KMT2D: variants seen among roughly 807,000 people sequenced by gnomAD.
The protein encoded by KMT2D is histone-lysine N-methyltransferase 2D.
KMT2D carries 55 observed loss-of-function variants against 512.7 expected under a neutral mutation model. The ratio of observed to expected loss-of-function variants is 0.11; its 90% confidence interval spans 0.09 to 0.13. The LOEUF (loss-of-function observed/expected upper bound fraction) is 0.13. Among genes scored for constraint, KMT2D ranks in the 10% least tolerant of loss-of-function variants. KMT2D has a pLI of 1.00. For synonymous variants in KMT2D, 2,995 were observed against 2,904.0 expected, an observed-to-expected ratio of 1.03 and a Z score of -1.01; for missense variants, 6,061 against 7,127.9, an observed-to-expected ratio of 0.85 and a Z score of 5.39.
chr12:49,053,716 G>A (rs2120700434), intron 6 of KMT2D, 75 bp from the exon 7 acceptor site: 1 of 1,450,298 alleles, frequency 6.9e-7, no homozygotes, highest in Non-Finnish European at 9.3e-7. Context: ...ACACAAAACA[G>A]GCACTCCATG....
intron 6 of KMT2D, 112 bp from the exon 7 acceptor site, chr12:49,053,753 T>C: frequency 7.7e-7 from 1 of 1,294,922 alleles, no homozygotes; most frequent in Non-Finnish European, 1.1e-6. Context: ...ACAACAAAGT[T>C]ACTGAGTGCC....
In KMT2D at chr12:49,028,125, A is replaced by G; in HGVS notation, c.14399T>C (p.Met4800Thr). 2 of 1,614,006 alleles carry G rather than the reference A, an allele frequency of 1.2e-6. No individual in the cohort carries two copies. Among genetic ancestry groups the G allele is most frequent in the Non-Finnish European group, 1.7e-6 (2 of 1,179,894 alleles). Reference sequence around the variant, plus strand: ...GCTCAGCAGCTCCGCCACTGCCACCATCACGCCATTCAGGTTCTGCCAGGG... The same window carrying G: ...GCTCAGCAGCTCCGCCACTGCCACCGTCACGCCATTCAGGTTCTGCCAGGG... ...AAAAKNLNGVMVAVAELLSMK... is the reference protein window; with the variant it reads ...AAAAKNLNGVTVAVAELLSMK... Residue 4800 changes from methionine (M) to threonine (T), a missense_variant, in exon 47 of 55, where the codon ATG becomes ACG. Physicochemically the swap from Met to Thr is moderately conservative, Grantham distance 81 (BLOSUM62 -1). Transcript: ENST00000301067.
intron 38 of KMT2D, 46 bp downstream of exon 38, chr12:49,034,364 G>T: frequency 6.2e-7 from 1 of 1,611,280 alleles, no homozygotes; most frequent in South Asian, 1.1e-5. Context: ...TCCTCCATAT[G>T]ACCCAAACCA....
At position 49,040,745 on chromosome 12, in the gene KMT2D, C is replaced by G; in HGVS notation, c.7025G>C (p.Ser2342Thr). 6.2e-7 allele frequency: 1 copy of G among 1,613,450 alleles called. No individual in the cohort carries two copies. Among genetic ancestry groups the G allele is most frequent in the Middle Eastern group, 1.7e-4 (1 of 6,046 alleles). The change falls in exon 32 of 55, where the codon AGC becomes ACC. Residue 2342 changes from serine (S) to threonine (T), a missense_variant. By Grantham distance (58) the Ser-to-Thr change is moderately conservative. Coordinates refer to ENST00000301067, the MANE Select transcript of KMT2D (RefSeq NM_003482.4). ...TPRASQVEPQ[S>T]PGLGLRPQEP... is the part of the protein sequence containing the mutation. ...CTGGGGCCTTAGGCCCAAGCCCGGG[C>G]TCTGGGGCTCTACCTGAGATGCCCG...
rs2120678391 is a variant in KMT2D at position 49,051,893 on chromosome 12, G to C, written c.1790C>G (p.Ser597Cys). 1 of 1,613,116 alleles carries C rather than the reference G, an allele frequency of 6.2e-7. No individual in the cohort carries two copies. The highest frequency in any genetic ancestry group is 1.7e-5 in the Admixed American group (1 of 59,972). Residue 597 changes from serine to cysteine, a missense_variant, in exon 11 of 55, where the codon TCT becomes TGT. Coordinates refer to ENST00000301067, the MANE Select transcript of KMT2D (RefSeq NM_003482.4). ...ESPMSPPPEA[S>C]RLFPPFEESP... Reference sequence around the variant, plus strand: ...CTCTTCAAATGGTGGGAACAGACGAGATGCCTCCGGTGGTGGAGACATGGG... The same window carrying C: ...CTCTTCAAATGGTGGGAACAGACGACATGCCTCCGGTGGTGGAGACATGGG...
chr12:49,035,072 G>A, intron 35 of KMT2D, 137 bp from the exon 36 acceptor site: 3 of 1,074,584 alleles, frequency 2.8e-6, no homozygotes, highest in South Asian at 1.5e-5. Flanking sequence ...CACTGAATTA[G>A]GAGCCAGTCG....
intron 1 of KMT2D, among the ~76,000 whole-genome samples, chr12:49,057,710 CAT>C (rs1464111989): frequency 1.3e-5 from 2 of 152,174 alleles, no homozygotes; most frequent in Non-Finnish European, 2.9e-5. Context: ...GGCCCCTGAA[CAT>C]ATCTAAACAA....
intron 48 of KMT2D, 79 bp downstream of exon 48, chr12:49,027,724 G>C: frequency 6.6e-7 from 1 of 1,520,110 alleles, no homozygotes; most frequent in Non-Finnish European, 8.9e-7. Flanking sequence ...AAAGCACTGG[G>C]ATTACAGATG....
At chr12:49,047,384 G>A (rs901347067) in intron 15 of KMT2D, among the ~76,000 whole-genome samples, 11 of 148,210 alleles carry the variant, frequency 7.4e-5, no homozygotes, top group South Asian at 4.3e-4. Flanking sequence ...ACTGTGGACC[G>A]AATTAGGTCC....
rs1477248829 is a variant in KMT2D at position 49,028,049 on chromosome 12, C to T, written c.14475G>A (p.Arg4825=). Residue 4825 remains arginine, a synonymous_variant, in exon 47 of 55, where the codon CGG becomes CGA. Transcript: ENST00000301067. The stretch of plus-strand genomic sequence containing the variant: ...CCCCCTTCTTTGGCTCAGTGCCTGC[C>T]CGGGCGGGGCTCTCTGGGAACAGCA... ...YEVLFPESPA[R]AGTEPKKGEA... is the part of the protein sequence containing the mutation. 3.1e-6 allele frequency: 5 copies of T among 1,613,188 alleles called. No individual in the cohort carries two copies. In the East Asian group the frequency reaches 1.1e-4, roughly 36 times the overall value.
At chr12:49,053,169 C>G (rs1565822415) in intron 8 of KMT2D, 38 bp downstream of exon 8, 3 of 1,609,762 alleles carry the variant, frequency 1.9e-6, no homozygotes, top group Non-Finnish European at 2.6e-6. Context: ...GTAGCAGACA[C>G]AGTTAGGGAC....
chr12:49,056,072 G>A (rs1938389682), intron 1 of KMT2D, among the ~76,000 whole-genome samples: 1 of 152,318 alleles, frequency 6.6e-6, no homozygotes, highest in Non-Finnish European at 1.5e-5. Flanking sequence ...ATTGCCCTTA[G>A]CAACACCAAC....
At chr12:49,025,482 G>A (rs1305898037) in intron 49 of KMT2D, among the ~76,000 whole-genome samples, 1 of 152,204 alleles carries the variant, frequency 6.6e-6, no homozygotes, top group African/African-American at 2.4e-5. Context: ...TGTAGCCTAG[G>A]AGCAATGGGG....
Position 49,046,237 on chromosome 12 carries a change from T to C in KMT2D, c.4583+23A>G, listed in dbSNP as rs2120603187. 1.2e-6 allele frequency: 2 copies of C among 1,613,782 alleles called. No individual in the cohort carries two copies. The highest frequency in any genetic ancestry group is 1.6e-4 in the Middle Eastern group (1 of 6,062). The stretch of plus-strand genomic sequence containing the variant: ...TGCGAGGCTGGCAACAGGGCCAAAG[T>C]GAGGAGAAAGGGATGTTCTCACCGT... On this transcript the variant is annotated intron_variant, in intron 17 of 54. Coordinates refer to ENST00000301067, the MANE Select transcript of KMT2D (RefSeq NM_003482.4). The surrounding 1 kb of genome is among the most constrained non-coding windows in gnomAD (Gnocchi z 4.2).
chr12:49,025,723 C>G (rs917026713), intron 49 of KMT2D, among the ~76,000 whole-genome samples: 4 of 152,186 alleles, frequency 2.6e-5, no homozygotes, highest in African/African-American at 9.7e-5. Context: ...ACAAAATAAA[C>G]TACACAAATC....
chr12:49,039,252 G>A lies in KMT2D; in HGVS notation c.8336C>T (p.Ala2779Val), dbSNP rs2120509783. ...GTTCACATCCATAGAGGAAGGCGTG[G>A]CTGGTGGAGGTGGCCGGGAGAGTCG... is the stretch of plus-strand genomic sequence containing the variant. ...DDRLSRPPPP[A>V]TPSSMDVNSR... is the part of the protein sequence containing the mutation. The change falls in exon 34 of 55, where the codon GCC (alanine) becomes GTC (valine). Residue 2779 changes from alanine (A) to valine (V), a missense_variant. Coordinates refer to ENST00000301067, the MANE Select transcript of KMT2D (RefSeq NM_003482.4). The surrounding 1 kb of genome is among the most constrained non-coding windows in gnomAD (Gnocchi z 5.0). 2 of 1,613,722 alleles carry A rather than the reference G, an allele frequency of 1.2e-6. No individual in the cohort carries two copies. The highest frequency in any genetic ancestry group is 1.6e-4 in the Middle Eastern group (1 of 6,062).
rs1943288459 is a variant in KMT2D at position 49,037,693 on chromosome 12, G to T, written c.9663C>A (p.Thr3221=). The T allele has an allele frequency of 6.3e-7, 1 of 1,586,244 alleles. No individual in the cohort carries two copies. The highest frequency in any genetic ancestry group is 2.3e-5 in the East Asian group (1 of 43,384). ...CAGATGCTGCAGGTCCACCAGGCAA[G>T]GTCAAAGCCCCACTCTCGAGCTCAA... ...EKFELESGAL[T]LPGGPAASGD... The change falls in exon 35 of 55, where the codon ACC becomes ACA. Residue 3221 remains threonine, a synonymous_variant. Coordinates refer to ENST00000301067, the MANE Select transcript of KMT2D (RefSeq NM_003482.4).
At position 49,049,694 on chromosome 12, in the gene KMT2D, G is replaced by A. The variant is rs1330494488; in HGVS notation, c.3894C>T (p.Ser1298=). Residue 1298 remains serine, a synonymous_variant, in exon 12 of 55, where the codon TCC becomes TCT. Coordinates refer to ENST00000301067, the MANE Select transcript of KMT2D (RefSeq NM_003482.4). ...KGRRRSSPAR[S]RIKQGRSSSF... ...GATAGCCCCTCACCTGTTTGATGCGGGAACGGGCTGGGGAGCTGCGCCGCC... is the reference window on the plus strand; with the variant it reads ...GATAGCCCCTCACCTGTTTGATGCGAGAACGGGCTGGGGAGCTGCGCCGCC... 1.3e-5 allele frequency: 21 copies of A among 1,585,350 alleles called. No individual in the cohort carries two copies. The highest frequency in any genetic ancestry group is 1.7e-5 in the Non-Finnish European group (20 of 1,160,430).
rs1361732048 is a variant in KMT2D at position 49,021,487 on chromosome 12, A to C, written c.*293T>G. The C allele has an allele frequency of 4.2e-6, 2 of 470,632 alleles. No individual in the cohort carries two copies. Among genetic ancestry groups the C allele is most frequent in the Non-Finnish European group, 7.7e-6 (2 of 260,952 alleles). 29.2% of individuals were successfully genotyped at this position (470,632 alleles called of 1,614,324 possible). A position where few individuals can be genotyped will look rare whatever the true frequency, so the allele number is the denominator to read the frequency against. On this transcript the variant is annotated 3_prime_UTR_variant, in exon 55 of 55. Transcript: ENST00000301067. ...GATGCTTCTGGGTAGTTCCCGGCCC[A>C]TATCCCCCTCAAACCTGAGATGCCC...
Sources: gnomAD v4.1 joint callset for allele counts (sites outside exome capture counted in the v4.1 genomes callset) on GRCh38, gnomAD v4.1.1 for gene constraint, Gnocchi (gnomAD v3.1) non-coding constraint, MANE v1.5 for transcripts, NCBI Gene and HGNC (gene_info 2026-07-23, HGNC 2026-07-21) for gene names.